The following ZNF730 variants were observed in gnomAD, a reference collection of about 807,000 sequenced individuals.
ZNF730 encodes the protein zinc finger protein 730.
In ZNF730, 12 loss-of-function variants were observed where a neutral mutation model predicts 12.6. That is an observed-to-expected ratio of 0.95 (90% confidence interval 0.61 to 1.54). The LOEUF is 1.54. Ranked by LOEUF, ZNF730 falls within the 40% of genes most tolerant of loss-of-function variation. The pLI, the probability that ZNF730 is intolerant of heterozygous loss-of-function variation, is 0.00. For synonymous variants in ZNF730, 194 were observed against 195.8 expected (o/e 0.99, Z 0.08); for missense variants, 643 against 583.5 (o/e 1.10, Z -1.05).
chr19:23,076,742 G>A lies in ZNF730; in HGVS notation c.-94+1355G>A, dbSNP rs146806229. 4.2e-4 allele frequency among the ~76,000 whole-genome samples: 64 copies of A among 152,310 alleles called. No homozygotes were observed. The East Asian group carries it at 0.011, about 25-fold the overall frequency. ...AGGAATGCTTAGGCACCACTGGTGG[G>A]AGTTTAAATCAGTTCACCTATTGTC... On this transcript the variant is annotated intron_variant, in intron 1 of 2. Transcript: ENST00000593635.
upstream of ZNF730, among the ~76,000 whole-genome samples, chr19:23,116,140 T>G (rs960153034): frequency 4.6e-5 from 7 of 152,208 alleles, no homozygotes; most frequent in African/African-American, 1.7e-4. Flanking sequence ...ATTTTGCCTT[T>G]AATCTGTTTT....
upstream of ZNF730, among the ~76,000 whole-genome samples, chr19:23,116,119 A>G (rs1468373529): frequency 6.6e-6 from 1 of 152,230 alleles, no homozygotes; most frequent in Non-Finnish European, 1.5e-5. Flanking sequence ...CCAAGGCCAA[A>G]TAGCAAAATA....
At chr19:23,137,075 C>G (rs1311790436) in intron 3 of ZNF730, among the ~76,000 whole-genome samples, 2 of 136,474 alleles carry the variant, frequency 1.5e-5, no homozygotes, top group Non-Finnish European at 3.2e-5. Flanking sequence ...GAGGCTGAGA[C>G]AGGAGAATTG....
At chr19:23,113,426 G>A (rs1316740354), upstream of ZNF730, among the ~76,000 whole-genome samples, 1 of 152,118 alleles carries the variant, frequency 6.6e-6, no homozygotes, top group Non-Finnish European at 1.5e-5. Context: ...GAAACTCAAA[G>A]ACATATGTAA....
At chr19:23,117,998 C>T (rs185572431) in intron 1 of ZNF730, among the ~76,000 whole-genome samples, 3 of 151,924 alleles carry the variant, frequency 2.0e-5, no homozygotes, top group Admixed American at 1.3e-4. Context: ...TTTCATGTTT[C>T]TCAAACGGGG....
rs1291571098 is a variant in ZNF730 at position 23,146,429 on chromosome 19, A to C, written c.1385A>C (p.Asn462Thr). The C allele has an allele frequency of 6.2e-7, 1 of 1,613,088 alleles. No individual in the cohort carries two copies. Among genetic ancestry groups the C allele is most frequent in the South Asian group, 1.1e-5 (1 of 91,060 alleles). ...TGTGAAGAATGTGGCAAAGCTTTTA[A>C]CCGGTCCTCAACCCTCACTACACAT... ...YECEECGKAF[N>T]RSSTLTTHKI... The change falls in exon 4 of 4, where the codon AAC becomes ACC. Residue 462 changes from asparagine to threonine, a missense_variant. Asn to Thr is a moderately conservative substitution (Grantham distance 65). Coordinates refer to ENST00000597761, the MANE Select transcript of ZNF730 (RefSeq NM_001277403.2).
chr19:23,114,473 A>AT (rs1174858927), upstream of ZNF730, among the ~76,000 whole-genome samples: 4 of 143,426 alleles, frequency 2.8e-5, no homozygotes, highest in African/African-American at 7.5e-5. Flanking sequence ...CACCCGGCTA[A>AT]TTTTTTTATT....
intron 1 of ZNF730, among the ~76,000 whole-genome samples, chr19:23,086,138 C>T (rs904067760): frequency 2.3e-4 from 35 of 152,116 alleles, no homozygotes; most frequent in Non-Finnish European, 4.6e-4. Context: ...CCGCCTTGCC[C>T]GGCCCCACCC....
chr19:23,095,418 G>A (rs981761292), intron 1 of ZNF730: 1 of 398,394 alleles, frequency 2.5e-6, no homozygotes, highest in Non-Finnish European at 4.4e-6. Context: ...ACTTTGTGAT[G>A]TATCCCTGAA....
intron 1 of ZNF730, among the ~76,000 whole-genome samples, chr19:23,081,232 C>T (rs1969961117): frequency 6.6e-6 from 1 of 150,676 alleles, no homozygotes; most frequent in Non-Finnish European, 1.5e-5. Context: ...GCAAACTCTG[C>T]CTCCTGGGTT....
chr19:23,098,848 A>G (rs1970294099), intron 1 of ZNF730, among the ~76,000 whole-genome samples: 1 of 152,182 alleles, frequency 6.6e-6, no homozygotes, highest in Non-Finnish European at 1.5e-5. Flanking sequence ...CACAGGTGTG[A>G]TGATGACTCT....
intron 1 of ZNF730, among the ~76,000 whole-genome samples, chr19:23,110,796 A>G (rs111238274): frequency 1.3e-5 from 2 of 152,382 alleles, no homozygotes; most frequent in Admixed American, 6.5e-5. Flanking sequence ...ATTGATTCTT[A>G]TAAAACTGCT....
chr19:23,119,050 C>T (rs537169376), intron 1 of ZNF730, among the ~76,000 whole-genome samples: 1 of 152,126 alleles, frequency 6.6e-6, no homozygotes, highest in Non-Finnish European at 1.5e-5. Context: ...CTTTCTCTTG[C>T]CTGAATGCTC....
At chr19:23,141,977 C>T (rs975690746) in intron 3 of ZNF730, among the ~76,000 whole-genome samples, 1 of 151,750 alleles carries the variant, frequency 6.6e-6, no homozygotes, top group East Asian at 1.9e-4. Flanking sequence ...CTATGTGTTT[C>T]TTTTATTCTG....
At chr19:23,135,793 G>A (rs1463368901) in intron 2 of ZNF730, among the ~76,000 whole-genome samples, 155 bp from the exon 3 acceptor site, 5 of 151,848 alleles carry the variant, frequency 3.3e-5, no homozygotes, top group Admixed American at 2.0e-4. Flanking sequence ...TTAAAGGCAT[G>A]AGCCACCGTG....
intron 1 of ZNF730, among the ~76,000 whole-genome samples, chr19:23,077,596 C>T (rs1279268260): frequency 1.3e-5 from 2 of 151,944 alleles, no homozygotes; most frequent in Admixed American, 1.3e-4. Context: ...TGCCAGCCAA[C>T]ACACCCGGCT....
At chr19:23,106,137 G>A (rs907048499) in intron 1 of ZNF730, among the ~76,000 whole-genome samples, 10 of 151,530 alleles carry the variant, frequency 6.6e-5, no homozygotes, top group Admixed American at 5.9e-4. Context: ...CTAAAAAAAA[G>A]AAGAAGAAAG....
chr19:23,096,765 TG>T (rs1460962940), intron 1 of ZNF730, among the ~76,000 whole-genome samples: 1 of 152,200 alleles, frequency 6.6e-6, no homozygotes, highest in Admixed American at 6.5e-5. Flanking sequence ...CTCTATGGAT[TG>T]GGCTTTGGCC....
chr19:23,106,779 A>T (rs1338862680), intron 1 of ZNF730, among the ~76,000 whole-genome samples: 1 of 149,680 alleles, frequency 6.7e-6, no homozygotes, highest in Admixed American at 6.7e-5. Context: ...CACGAGAGCG[A>T]GAACTGCGTC....
Sources: gnomAD v4.1 joint callset for allele counts (sites outside exome capture counted in the v4.1 genomes callset) on GRCh38, gnomAD v4.1.1 for gene constraint, MANE v1.5 for transcripts, NCBI Gene and HGNC (gene_info 2026-07-23, HGNC 2026-07-21) for gene names.